The following ADCY2 variants were observed in gnomAD, a reference collection of about 807,000 sequenced individuals.
ADCY2 encodes the protein adenylate cyclase 2.
ADCY2 carries 31 observed loss-of-function variants against 125.2 expected under a neutral mutation model. The ratio of observed to expected loss-of-function variants is 0.25; its 90% CI spans 0.19 to 0.33. The LOEUF is 0.33. ADCY2 is among the 10% of genes least tolerant of loss of function. The probability of loss-of-function intolerance (pLI) is 1.00; values close to 1 mark genes in which losing one functional copy is unlikely to be tolerated. For missense variants in ADCY2, 904 were observed against 1,418.2 expected (o/e 0.64, Z 5.82); for synonymous variants, 512 against 548.4 (o/e 0.93, Z 0.93).
intron 18 of ADCY2, among the ~76,000 whole-genome samples, chr5:7,780,251 G>A (rs1178791109): frequency 6.6e-6 from 1 of 152,254 alleles, no homozygotes; most frequent in Middle Eastern, 3.2e-3. Context: ...GCAGGACAAT[G>A]TTGTCTTCTG....
chr5:7,641,082 G>A lies in ADCY2; in HGVS notation c.720+14766G>A, dbSNP rs550540179. On this transcript the variant is annotated intron_variant, in intron 4 of 24. Coordinates refer to ENST00000338316, the MANE Select transcript of ADCY2 (RefSeq NM_020546.3). ...TGCCACTCTATGCCTTTCAAGGCAG[G>A]AGATTATAAGAACTATGAGACCCAG... Among the ~76,000 whole-genome samples the A allele has an allele frequency of 2.4e-4, 37 of 152,268 alleles. No homozygotes were observed. The South Asian group carries it at 7.0e-3, about 29-fold the overall frequency.
chr5:7,711,486 C>T (rs1741439086), intron 10 of ADCY2, among the ~76,000 whole-genome samples: 5 of 152,118 alleles, frequency 3.3e-5, no homozygotes, highest in Admixed American at 3.3e-4. Context: ...ATGTGATTTC[C>T]TGTGCTGTTT....
chr5:7,438,217 C>G (rs1469816869), intron 2 of ADCY2, among the ~76,000 whole-genome samples: 2 of 152,184 alleles, frequency 1.3e-5, no homozygotes, highest in Non-Finnish European at 2.9e-5. Context: ...AACTGACTCC[C>G]CTTCTCCTTG....
At chr5:7,700,893 G>A (rs1229038457) in intron 7 of ADCY2, among the ~76,000 whole-genome samples, 1 of 151,960 alleles carries the variant, frequency 6.6e-6, no homozygotes, top group African/African-American at 2.4e-5. Flanking sequence ...TGGAAAGAGT[G>A]GTTAGTGTGA....
intron 4 of ADCY2, among the ~76,000 whole-genome samples, chr5:7,675,648 T>TG (rs1740099523): frequency 6.6e-6 from 1 of 152,190 alleles, no homozygotes; most frequent in South Asian, 2.1e-4. Flanking sequence ...CCTACCACTG[T>TG]GGGGCAAGAG....
chr5:7,661,006 G>A (rs909274050), intron 4 of ADCY2, among the ~76,000 whole-genome samples: 6 of 152,164 alleles, frequency 3.9e-5, no homozygotes, highest in African/African-American at 2.4e-5. Context: ...TTCACTGCAT[G>A]ACTGGCTTCC....
intron 2 of ADCY2, among the ~76,000 whole-genome samples, chr5:7,500,623 A>G (rs776506496): frequency 6.6e-6 from 1 of 152,238 alleles, no homozygotes; most frequent in East Asian, 1.9e-4. Flanking sequence ...GGAATATTCT[A>G]CAAAATACCT....
intron 2 of ADCY2, among the ~76,000 whole-genome samples, chr5:7,504,150 CT>C (rs1442858826): frequency 6.6e-6 from 1 of 152,214 alleles, no homozygotes; most frequent in Non-Finnish European, 1.5e-5. Flanking sequence ...GGCATTCTGA[CT>C]CCCAGAGCTT....
chr5:7,483,747 G>T (rs1368883861), intron 2 of ADCY2, among the ~76,000 whole-genome samples: 1 of 152,112 alleles, frequency 6.6e-6, no homozygotes, highest in East Asian at 1.9e-4. Flanking sequence ...TACACCATCT[G>T]TGCCTCCTCT....
chr5:7,465,683 T>A (rs1239240002), intron 2 of ADCY2, among the ~76,000 whole-genome samples: 1 of 152,236 alleles, frequency 6.6e-6, no homozygotes, highest in African/African-American at 2.4e-5. Flanking sequence ...CTGCAAAGTA[T>A]GTGAATGTTA....
At chr5:7,767,881 A>G (rs944002129) in intron 17 of ADCY2, among the ~76,000 whole-genome samples, 4 of 152,126 alleles carry the variant, frequency 2.6e-5, no homozygotes, top group Non-Finnish European at 4.4e-5. Context: ...ATAAAAAAAA[A>G]TTAGCCGGAT....
intron 2 of ADCY2, among the ~76,000 whole-genome samples, chr5:7,463,962 G>A (rs27692): frequency 0.47 from 71,086 of 151,872 alleles, 18,359 homozygotes; most frequent in African/African-American, 0.68. Context: ...TGCATCTTAT[G>A]TAACACCCAA....
intron 5 of ADCY2, among the ~76,000 whole-genome samples, chr5:7,693,115 C>G (rs775675881): frequency 3.9e-5 from 6 of 152,164 alleles, no homozygotes; most frequent in South Asian, 2.1e-4. Context: ...CAATGCCCCC[C>G]ACAACATCAA....
intron 1 of ADCY2, among the ~76,000 whole-genome samples, chr5:7,397,871 A>G (rs1739120557): frequency 6.6e-6 from 1 of 152,096 alleles, no homozygotes; most frequent in Admixed American, 6.6e-5. Flanking sequence ...TGTAGTCTAG[A>G]TAGGAGTCCG....
chr5:7,496,182 A>G (rs1370893333), intron 2 of ADCY2, among the ~76,000 whole-genome samples: 1 of 152,238 alleles, frequency 6.6e-6, no homozygotes, highest in Admixed American at 6.5e-5. Flanking sequence ...TAGTTCTGAT[A>G]AATCCACTCT....
intron 2 of ADCY2, among the ~76,000 whole-genome samples, chr5:7,466,644 G>A (rs959761682): frequency 1.3e-5 from 2 of 152,186 alleles, no homozygotes; most frequent in African/African-American, 4.8e-5. Context: ...CCACAGACTG[G>A]CTGCTAGAGC....
intron 4 of ADCY2, among the ~76,000 whole-genome samples, chr5:7,647,482 C>T (rs1738941274): frequency 6.6e-6 from 1 of 152,124 alleles, no homozygotes; most frequent in East Asian, 1.9e-4. Context: ...GGTTCGACCC[C>T]CATCTCCACC....
chr5:7,437,074 C>A (rs1740832063), intron 2 of ADCY2, among the ~76,000 whole-genome samples: 2 of 152,168 alleles, frequency 1.3e-5, no homozygotes, highest in South Asian at 2.1e-4. Flanking sequence ...GCCCGTGCTT[C>A]CCTCCATCAT....
At chr5:7,623,774 C>T (rs970782864) in intron 3 of ADCY2, among the ~76,000 whole-genome samples, 6 of 152,194 alleles carry the variant, frequency 3.9e-5, no homozygotes, top group African/African-American at 4.8e-5. Context: ...ACACAGAGCA[C>T]GTGTGTTACC....
Sources: gnomAD v4.1 joint callset for allele counts (sites outside exome capture counted in the v4.1 genomes callset) on GRCh38, gnomAD v4.1.1 for gene constraint, MANE v1.5 for transcripts, NCBI Gene and HGNC (gene_info 2026-07-23, HGNC 2026-07-21) for gene names.